The following DZIP1 variants were observed in gnomAD, a reference collection of about 807,000 sequenced individuals.
DZIP1 encodes the protein cilium assembly protein DZIP1.
A neutral mutation model predicts 107.6 loss-of-function variants in DZIP1; 97 were observed. The observed-to-expected ratio is 0.90, with a 90% CI of 0.77 to 1.07. The LOEUF (loss-of-function observed/expected upper bound fraction) is 1.07, where lower values mean the gene tolerates loss of function less well. DZIP1 is among the 50% of genes least tolerant of loss of function. DZIP1 has a pLI of 0.00. For missense variants in DZIP1, 1,035 were observed against 1,063.6 expected, an observed-to-expected ratio of 0.97 and a Z score of 0.37; for synonymous variants, 390 against 386.4, an observed-to-expected ratio of 1.01 and a Z score of -0.11.
intron 17 of DZIP1, among the ~76,000 whole-genome samples, 153 bp downstream of exon 17, chr13:95,590,126 A>C (rs1034484546): frequency 1.3e-5 from 2 of 152,222 alleles, no homozygotes; most frequent in Admixed American, 6.5e-5. Context: ...ATTTAATAGT[A>C]CAAACAGTAA....
rs1417630315 is a variant in DZIP1, at chr13:95,596,932, G to A, written c.1537+2433C>T. On this transcript the variant is annotated intron_variant, in intron 15 of 22. Transcript: ENST00000376829. The stretch of plus-strand genomic sequence containing the variant: ...GTATGTTAACTCCACAGAGGTGCTG[G>A]AAGGAGGCAGTCACTGGTTTCTGCA... Among the ~76,000 whole-genome samples, 58 of 152,220 alleles carry A rather than the reference G, an allele frequency of 3.8e-4. 1 individual carries two copies.
rs1566349260 is a variant in DZIP1, at chr13:95,578,240, T to C, written c.*3994A>G. On this transcript the variant is annotated 3_prime_UTR_variant, in exon 23 of 23. Coordinates refer to ENST00000376829, the MANE Select transcript of DZIP1 (RefSeq NM_198968.4). ...AAAATAAACAGTTTATTTACAGGAT[T>C]TGTAAAATGTTTTCTACATTTATAT... The C allele has an allele frequency of 6.0e-6, 2 of 330,622 alleles. No individual in the cohort carries two copies. Among genetic ancestry groups the C allele is most frequent in the East Asian group, 1.1e-4 (2 of 18,386 alleles). The allele number at this position is 330,622 out of a possible 1,614,324, so 20.5% of individuals were successfully genotyped here.
intron 20 of DZIP1, 115 bp from the exon 21 acceptor site, chr13:95,586,251 G>A (rs2044158032): frequency 1.2e-6 from 1 of 808,186 alleles, no homozygotes; most frequent in African/African-American, 1.8e-5. Context: ...AAGTAATTAT[G>A]TATTATTAAA....
chr13:95,610,884 A>G (rs1469489710), intron 12 of DZIP1, among the ~76,000 whole-genome samples: 1 of 152,184 alleles, frequency 6.6e-6, no homozygotes, highest in Non-Finnish European at 1.5e-5. Context: ...TGGCCAGGTG[A>G]TGCCTTGCAC....
chr13:95,582,385 A>C lies in DZIP1; in HGVS notation c.2525-72T>G, dbSNP rs1047739888. On this transcript the variant is annotated intron_variant, in intron 22 of 22. Transcript: ENST00000376829. Reference sequence around the variant, plus strand: ...CAAGCACATTGTCAAGTCTATAAAAATCCATAATTTCATATTGTCATTAAT... The same window carrying C: ...CAAGCACATTGTCAAGTCTATAAAACTCCATAATTTCATATTGTCATTAAT... The C allele has an allele frequency of 1.3e-5, 17 of 1,288,460 alleles. No individual in the cohort carries two copies. In the African/African-American group the frequency reaches 2.5e-4, roughly 19 times the overall value. 79.8% of individuals were successfully genotyped at this position (1,288,460 alleles called of 1,614,324 possible).
At chr13:95,594,773 C>T (rs2044399129) in intron 15 of DZIP1, among the ~76,000 whole-genome samples, 1 of 151,980 alleles carries the variant, frequency 6.6e-6, no homozygotes, top group Admixed American at 6.6e-5. Context: ...AAAGTCTTAG[C>T]AAAAGTGTAT....
chr13:95,638,743 C>T (rs879498509), intron 5 of DZIP1, among the ~76,000 whole-genome samples: 1 of 152,092 alleles, frequency 6.6e-6, no homozygotes, highest in Non-Finnish European at 1.5e-5. Flanking sequence ...CCTTCAAGAA[C>T]AGGCATCTTT....
intron 8 of DZIP1, among the ~76,000 whole-genome samples, chr13:95,624,131 G>C (rs567302565): frequency 6.6e-6 from 1 of 152,230 alleles, no homozygotes; most frequent in East Asian, 1.9e-4. Context: ...CCCCTAGAGG[G>C]AGCTCAAGGA....
chr13:95,611,470 T>C lies in DZIP1; in HGVS notation c.1338A>G (p.Pro446=), dbSNP rs766780286. The C allele has an allele frequency of 2.0e-5, 32 of 1,613,820 alleles. No individual in the cohort carries two copies. The highest frequency in any genetic ancestry group is 2.6e-5 in the Non-Finnish European group (31 of 1,179,720). ...CTTTGGGTTCACTGATACTGTTTAA[T>C]GGATTACAGGTAAAGTCTTTAATCT... is the stretch of plus-strand genomic sequence containing the variant. ...RQQIKDFTCN[P]LNSISEPKGN... The change falls in exon 12 of 23, where the codon CCA becomes CCG. Residue 446 remains proline, a synonymous_variant. Coordinates refer to ENST00000376829, the MANE Select transcript of DZIP1 (RefSeq NM_198968.4).
intron 16 of DZIP1, among the ~76,000 whole-genome samples, chr13:95,593,032 G>A (rs2044354304): frequency 6.6e-6 from 1 of 152,134 alleles, no homozygotes; most frequent in Non-Finnish European, 1.5e-5. Flanking sequence ...TCATTTGGGT[G>A]CTGGTTATAG....
At chr13:95,599,332 T>A in intron 15 of DZIP1, 33 bp downstream of exon 15, 2 of 1,588,074 alleles carry the variant, frequency 1.3e-6, no homozygotes, top group South Asian at 2.2e-5. Context: ...AAATATAATC[T>A]GTGCAGGTAA....
intron 13 of DZIP1, among the ~76,000 whole-genome samples, chr13:95,606,517 C>T (rs1007726071): frequency 2.0e-5 from 3 of 152,202 alleles, no homozygotes; most frequent in African/African-American, 7.2e-5. Flanking sequence ...TGGTTTTGCT[C>T]ACTTAGCACA....
At chr13:95,600,621 T>TAGCTAGACAGAC (rs1555306606) in intron 14 of DZIP1, among the ~76,000 whole-genome samples, 2 of 100,964 alleles carry the variant, frequency 2.0e-5, no homozygotes, top group African/African-American at 4.1e-5. Context: ...GATAGATAGA[T>TAGCTAGACAGAC]AGATAGATAG....
chr13:95,583,213 G>C (rs903642766), intron 22 of DZIP1, among the ~76,000 whole-genome samples: 4 of 151,146 alleles, frequency 2.6e-5, no homozygotes, highest in African/African-American at 7.3e-5. Context: ...GATCATTTGA[G>C]CCCAGGAGTT....
intron 11 of DZIP1, 97 bp downstream of exon 11, chr13:95,611,940 C>T (rs2045021195): frequency 6.8e-7 from 1 of 1,476,856 alleles, no homozygotes. Flanking sequence ...TCTTCCTCAC[C>T]TTATACCACT....
intron 22 of DZIP1, among the ~76,000 whole-genome samples, chr13:95,583,262 T>TA (rs11295025): frequency 0.26 from 37,590 of 142,186 alleles, 5,104 homozygotes; most frequent in Admixed American, 0.35. Flanking sequence ...CCCCATCTCT[T>TA]AAAAAAAAAA....
At chr13:95,586,374 A>T (rs1259463919) in intron 20 of DZIP1, among the ~76,000 whole-genome samples, 2 of 151,820 alleles carry the variant, frequency 1.3e-5, no homozygotes, top group South Asian at 2.1e-4. Context: ...TTAGTTAATT[A>T]AAAAAAATAG....
chr13:95,617,409 C>T (rs1387547012), intron 10 of DZIP1, among the ~76,000 whole-genome samples: 1 of 152,088 alleles, frequency 6.6e-6, no homozygotes, highest in Non-Finnish European at 1.5e-5. Flanking sequence ...ATGACACTCT[C>T]AATGCAGCCT....
chr13:95,584,645 T>A, intron 22 of DZIP1, 91 bp downstream of exon 22: 1 of 1,505,586 alleles, frequency 6.6e-7, no homozygotes, highest in Non-Finnish European at 8.9e-7. Context: ...TCTGATGATA[T>A]ACCAGCATAA....
Sources: allele counts gnomAD v4.1 joint callset (sites outside exome capture counted in the v4.1 genomes callset), GRCh38; gene constraint gnomAD v4.1.1; transcripts MANE v1.5; gene names NCBI Gene and HGNC (gene_info 2026-07-23, HGNC 2026-07-21).